ANAPC4: variants seen among roughly 807,000 people sequenced by gnomAD.
The protein encoded by ANAPC4 is anaphase-promoting complex subunit 4.
In ANAPC4, 63 loss-of-function variants were observed where a neutral mutation model predicts 119.8. The observed-to-expected ratio is 0.53, with a 90% confidence interval of 0.43 to 0.65. The LOEUF (loss-of-function observed/expected upper bound fraction) is 0.65. Among genes scored for constraint, ANAPC4 ranks in the 30% least tolerant of loss-of-function variants. The pLI is 0.00. For synonymous variants in ANAPC4, 283 were observed against 318.6 expected (o/e 0.89, Z 1.19); for missense variants, 716 against 945.1 (o/e 0.76, Z 3.18).
At position 25,382,576 on chromosome 4, in the gene ANAPC4, T is replaced by TA. The variant is rs550681647; in HGVS notation, c.236-681dup. Among the ~76,000 whole-genome samples, 23 of 151,202 alleles carry TA rather than the reference T, an allele frequency of 1.5e-4. No homozygotes were observed. In the East Asian group the frequency reaches 3.1e-3, roughly 20 times the overall value. On this transcript the variant is annotated intron_variant, in intron 3 of 28. Coordinates refer to ENST00000315368, the MANE Select transcript of ANAPC4 (RefSeq NM_013367.3). ...TTAAAAGTCTCATGTTTTTGGACAG[T>TA]AAAATGTGTTTTTTGTTAGATAATG...
At chr4:25,409,613 CT>C (rs1482606479) in intron 20 of ANAPC4, 84 bp from the exon 21 acceptor site, 75 of 1,034,888 alleles carry the variant, frequency 7.2e-5, no homozygotes, top group Middle Eastern at 2.1e-4. Context: ...CTAAACTTAA[CT>C]TTTTTTTGTC....
chr4:25,388,537 A>T lies in ANAPC4; in HGVS notation c.406A>T (p.Asn136Tyr). 6.2e-7 allele frequency: 1 copy of T among 1,605,424 alleles called. No homozygotes were observed. The highest frequency in any genetic ancestry group is 8.5e-7 in the Non-Finnish European group (1 of 1,172,858). Residue 136 changes from asparagine to tyrosine, a missense_variant, in exon 5 of 29, where the codon AAT (asparagine) becomes TAT (tyrosine). Asn to Tyr is a moderately radical substitution (Grantham distance 143). This residue lies in a region of ANAPC4 where 202 missense variants were observed against 293.5 expected (regional missense o/e 0.69). Transcript: ENST00000315368. ...ATTTTATAATGCTGAGGATGAATCA[A>T]ATCTTCTCTTACCTAAACTACCTAC... ...TSFYNAEDES[N>Y]LLLPKLPTLP...
At chr4:25,409,934 C>T (rs1723471943) in intron 21 of ANAPC4, 143 bp downstream of exon 21, 2 of 597,386 alleles carry the variant, frequency 3.3e-6, no homozygotes, top group Non-Finnish European at 5.9e-6. Context: ...ATTATAGGAA[C>T]AGCAAAATAA....
At chr4:25,379,392 C>T (rs1384559148) in intron 2 of ANAPC4, among the ~76,000 whole-genome samples, 1 of 151,970 alleles carries the variant, frequency 6.6e-6, no homozygotes, top group Non-Finnish European at 1.5e-5. Context: ...AGACGGATAG[C>T]GAGTGGTATG....
intron 25 of ANAPC4, among the ~76,000 whole-genome samples, chr4:25,414,915 CATT>C (rs59408927): frequency 0.026 from 3,961 of 152,032 alleles, 169 homozygotes; most frequent in African/African-American, 0.088. Flanking sequence ...GGCATATAAT[CATT>C]GTAGGACTTT....
chr4:25,386,205 G>A (rs868209873), intron 4 of ANAPC4, among the ~76,000 whole-genome samples: 1 of 151,598 alleles, frequency 6.6e-6, no homozygotes, highest in Non-Finnish European at 1.5e-5. Context: ...AAGCCTCAGC[G>A]CCTGGCCTTA....
chr4:25,401,525 C>T (rs1722974745), intron 16 of ANAPC4, among the ~76,000 whole-genome samples: 1 of 152,202 alleles, frequency 6.6e-6, no homozygotes, highest in Non-Finnish European at 1.5e-5. Flanking sequence ...CCCCACACAT[C>T]ACCCTGAGGT....
intron 8 of ANAPC4, 107 bp from the exon 9 acceptor site, chr4:25,390,804 G>A (rs1722306768): frequency 1.3e-6 from 1 of 764,780 alleles, no homozygotes; most frequent in African/African-American, 1.8e-5. Context: ...CTGGAGCTGG[G>A]AATTTGTTTC....
intron 2 of ANAPC4, among the ~76,000 whole-genome samples, chr4:25,379,406 T>C (rs1173693425): frequency 6.6e-6 from 1 of 152,172 alleles, no homozygotes; most frequent in African/African-American, 2.4e-5. Flanking sequence ...TGGTATGGTC[T>C]GATTGCATGT....
At chr4:25,393,517 C>T (rs2109122155) in intron 10 of ANAPC4, among the ~76,000 whole-genome samples, 1 of 152,186 alleles carries the variant, frequency 6.6e-6, no homozygotes, top group Admixed American at 6.5e-5. Flanking sequence ...CAAAAATTAG[C>T]TGGGCATGGT....
chr4:25,391,824 A>G (rs967435452), intron 9 of ANAPC4, among the ~76,000 whole-genome samples: 6 of 152,218 alleles, frequency 3.9e-5, no homozygotes, highest in South Asian at 4.1e-4. Context: ...ACTGTTCACT[A>G]TGGTAATGGT....
intron 4 of ANAPC4, among the ~76,000 whole-genome samples, chr4:25,384,600 G>A (rs1721926806): frequency 1.3e-5 from 2 of 152,190 alleles, no homozygotes; most frequent in African/African-American, 4.8e-5. Context: ...GGCCAAGGTA[G>A]GCAGGAGCTC....
chr4:25,389,266 C>G (rs1722210461), intron 7 of ANAPC4, among the ~76,000 whole-genome samples: 1 of 150,880 alleles, frequency 6.6e-6, no homozygotes, highest in Non-Finnish European at 1.5e-5. Flanking sequence ...TCAAGTGATT[C>G]TTCTGCCTCA....
intron 14 of ANAPC4, chr4:25,395,483 A>C (rs1722597362): frequency 6.6e-6 from 1 of 152,260 alleles, no homozygotes; most frequent in South Asian, 2.1e-4. Flanking sequence ...TTCGAGATGG[A>C]GTCTTGCCGA....
chr4:25,388,044 G>T (rs534266891), intron 4 of ANAPC4, among the ~76,000 whole-genome samples: 1 of 152,122 alleles, frequency 6.6e-6, no homozygotes, highest in Non-Finnish European at 1.5e-5. Flanking sequence ...CAGGATGATG[G>T]CTTTAGCTCA....
chr4:25,406,886 G>A lies in ANAPC4; in HGVS notation c.1374+1G>A. The A allele has an allele frequency of 6.3e-7, 1 of 1,592,832 alleles. No homozygotes were observed. Among genetic ancestry groups the A allele is most frequent in the Non-Finnish European group, 8.6e-7 (1 of 1,168,876 alleles). On this transcript the variant is annotated splice_donor_variant, in intron 19 of 28. Coordinates refer to ENST00000315368, the MANE Select transcript of ANAPC4 (RefSeq NM_013367.3). LOFTEE classifies it high-confidence loss of function. ...ATTTCTTACTGAACATTTCAATGAG[G>A]TAAGAAGTTGATATTTCTGTAATGC...
At chr4:25,393,141 A>C (rs1226946787) in intron 10 of ANAPC4, among the ~76,000 whole-genome samples, 1 of 152,206 alleles carries the variant, frequency 6.6e-6, no homozygotes. Flanking sequence ...ATTTGATATT[A>C]AAGGTTTCTA....
chr4:25,410,208 T>C (rs1275030521), intron 21 of ANAPC4, among the ~76,000 whole-genome samples: 1 of 152,168 alleles, frequency 6.6e-6, no homozygotes, highest in African/African-American at 2.4e-5. Context: ...GTGTACTTGT[T>C]ATACCTTTCA....
In ANAPC4 at chr4:25,384,734, T is replaced by A. The variant is rs115115205; in HGVS notation, c.368+1341T>A. Among the ~76,000 whole-genome samples, 341 of 151,176 alleles carry A rather than the reference T, an allele frequency of 2.3e-3. 5 individuals are homozygous for A. The highest frequency in any genetic ancestry group is 8.0e-3 in the African/African-American group (329 of 41,104). On this transcript the variant is annotated intron_variant, in intron 4 of 28. Coordinates refer to ENST00000315368, the MANE Select transcript of ANAPC4 (RefSeq NM_013367.3). ...GGAGGATCACCTGACCCTAAGGAGG[T>A]TGAGGCCGCAGTGAGCCGTAACTGG...
Sources: gnomAD v4.1 joint callset for allele counts (sites outside exome capture counted in the v4.1 genomes callset) on GRCh38, gnomAD v4.1.1 for gene constraint, gnomAD v4.1.1 regional missense constraint, MANE v1.5 for transcripts, NCBI Gene and HGNC (gene_info 2026-07-23, HGNC 2026-07-21) for gene names.